The following TEP1 variants were observed in gnomAD, a reference collection of about 807,000 sequenced individuals.
The protein encoded by TEP1 is telomerase protein component 1.
Under a neutral mutation model 306.3 loss-of-function variants are expected in TEP1, and 241 were observed. The observed-to-expected ratio is 0.79, with a 90% CI of 0.71 to 0.88. The LOEUF is 0.88. Among genes scored for constraint, TEP1 ranks in the 40% least tolerant of loss-of-function variants. TEP1 has a pLI of 0.00. For synonymous variants in TEP1, 1,289 were observed against 1,305.5 expected, an observed-to-expected ratio of 0.99 and a Z score of 0.27; for missense variants, 3,051 against 3,276.1, an observed-to-expected ratio of 0.93 and a Z score of 1.68.
chr14:20,393,388 T>C (rs750474330), intron 12 of TEP1, among the ~76,000 whole-genome samples: 73 of 152,332 alleles, frequency 4.8e-4, no homozygotes, highest in South Asian at 4.1e-4. Context: ...CACTATCCAA[T>C]AGAATTCAAT....
Position 20,406,118 on chromosome 14 carries a change from T to C in TEP1, c.735+115A>G, listed in dbSNP as rs550464682. 8.1e-5 allele frequency: 73 copies of C among 900,710 alleles called. No individual in the cohort carries two copies. In the African/African-American group the frequency reaches 1.1e-3, roughly 14 times the overall value. The allele number at this position is 900,710 out of a possible 1,614,324, so 55.8% of individuals were successfully genotyped here. ...GGATTAGGAAGTGAGAAATAAGAGC[T>C]AGGTTGTATCCCTACCTTCCCCTTC... On this transcript the variant is annotated intron_variant, in intron 3 of 54. Coordinates refer to ENST00000262715, the MANE Select transcript of TEP1 (RefSeq NM_007110.5).
intron 17 of TEP1, among the ~76,000 whole-genome samples, chr14:20,388,618 A>C (rs565690271): frequency 6.6e-6 from 1 of 152,376 alleles, no homozygotes. Context: ...TGACATGGCC[A>C]ACTCTTGACA....
intron 8 of TEP1, 125 bp downstream of exon 8, chr14:20,401,332 T>C (rs1878720250): frequency 6.3e-6 from 9 of 1,422,328 alleles, no homozygotes; most frequent in Non-Finnish European, 7.6e-6. Flanking sequence ...GGCAGTCATG[T>C]CTACAGGGCA....
chr14:20,406,052 A>G (rs1181188914), intron 3 of TEP1, among the ~76,000 whole-genome samples, 181 bp downstream of exon 3: 1 of 151,648 alleles, frequency 6.6e-6, no homozygotes, highest in Non-Finnish European at 1.5e-5. Flanking sequence ...GAAAGAAAGG[A>G]AAGAAAAAAA....
intron 1 of TEP1, among the ~76,000 whole-genome samples, chr14:20,410,978 C>T (rs1221910822): frequency 6.6e-6 from 1 of 151,940 alleles, no homozygotes. Flanking sequence ...CCTGCCACCA[C>T]ACCCAGCTAA....
At chr14:20,377,257 C>G (rs1209391848) in intron 41 of TEP1, 23 bp downstream of exon 41, 1 of 1,547,960 alleles carries the variant, frequency 6.5e-7, no homozygotes. Context: ...AATTTGTTAA[C>G]CCTGCCCACT....
In TEP1 at chr14:20,386,784, A is replaced by C. The variant is rs928527940; in HGVS notation, c.2685-161T>G. ...CAGAGAAGCACCTGCTAGTGGTCTC[A>C]ACTGCAGGGCCCTGGAATTTAATGC... On this transcript the variant is annotated intron_variant, in intron 18 of 54. Coordinates refer to ENST00000262715, the MANE Select transcript of TEP1 (RefSeq NM_007110.5). Among the ~76,000 whole-genome samples, 60 of 152,146 alleles carry C rather than the reference A, an allele frequency of 3.9e-4. 1 individual carries two copies.
At chr14:20,386,756 CT>C in intron 18 of TEP1, 133 bp from the exon 19 acceptor site, 1 of 1,028,272 alleles carries the variant, frequency 9.7e-7, no homozygotes, top group Non-Finnish European at 1.3e-6. Context: ...CCCAGCAGGC[CT>C]TCAGAGAAGC....
At chr14:20,403,644 C>A (rs1238603083) in intron 6 of TEP1, 79 bp downstream of exon 6, 5 of 1,602,820 alleles carry the variant, frequency 3.1e-6, no homozygotes. Flanking sequence ...GTGTGGGACT[C>A]CCCAGCATCA....
Position 20,367,017 on chromosome 14 carries a change from G to C in TEP1, c.*1420C>G, listed in dbSNP as rs1884504511. On this transcript the variant is annotated 3_prime_UTR_variant, in exon 55 of 55. Coordinates refer to ENST00000262715, the MANE Select transcript of TEP1 (RefSeq NM_007110.5). ...AACAGAGGAGGAAAGTTAAGCAAAG[G>C]CTAACCTGCTCAATAGATTCTTCCA... The C allele has an allele frequency of 6.6e-6, 1 of 152,200 alleles. No homozygotes were observed. Among genetic ancestry groups the C allele is most frequent in the African/African-American group, 2.4e-5 (1 of 41,444 alleles). 9.4% of individuals were successfully genotyped at this position (152,200 alleles called of 1,614,324 possible). A position where few individuals can be genotyped will look rare whatever the true frequency, so the allele number is the denominator to read the frequency against.
At position 20,374,438 on chromosome 14, in the gene TEP1, C is replaced by T. The variant is rs1161826471; in HGVS notation, c.6462G>A (p.Val2154=). 1.2e-6 allele frequency: 2 copies of T among 1,612,242 alleles called. No homozygotes were observed. Among genetic ancestry groups the T allele is most frequent in the East Asian group, 2.2e-5 (1 of 44,862 alleles). Residue 2154 remains valine, a synonymous_variant, in exon 44 of 55, where the codon GTG becomes GTA. Coordinates refer to ENST00000262715, the MANE Select transcript of TEP1 (RefSeq NM_007110.5). ...FLGHQSAVSA[V]AAVEEHVVSV... ...TCCATTGCTTTCTCACCACAGCTGC[C>T]ACAGCGCTCACAGCACTCTGATGAC...
intron 12 of TEP1, among the ~76,000 whole-genome samples, chr14:20,393,378 C>A (rs1877896823): frequency 6.6e-6 from 1 of 152,160 alleles, no homozygotes; most frequent in Non-Finnish European, 1.5e-5. Flanking sequence ...GTCTTCCCAG[C>A]ACTATCCAAT....
At position 20,372,846 on chromosome 14, in the gene TEP1, G is replaced by A; in HGVS notation, c.6963C>T (p.His2321=). The change falls in exon 49 of 55, where the codon CAC becomes CAT. Residue 2321 remains histidine (H), a synonymous_variant. Coordinates refer to ENST00000262715, the MANE Select transcript of TEP1 (RefSeq NM_007110.5). ...CCGAGGACCAGATCAGAGCACCAAT[G>A]TGGCCTGGAGCCTGGTGTACACAAC... ...KAVATAQAPG[H]IGALIWSSAH... is the part of the protein sequence containing the mutation. The A allele has an allele frequency of 6.2e-7, 1 of 1,614,200 alleles. No homozygotes were observed. The highest frequency in any genetic ancestry group is 1.1e-5 in the South Asian group (1 of 91,074).
chr14:20,369,682 G>C lies in TEP1; in HGVS notation c.7415C>G (p.Pro2472Arg), dbSNP rs1371289405. ...RTLISITQAK[P>R]ESESSFLCAS... ...CTCCTGTTACCACTCACCAGATTCA[G>C]GTTTGGCTTGAGTTATCGATATTAG... Residue 2472 changes from proline (P) to arginine (R), a missense_variant, in exon 52 of 55, where the codon CCT (proline) becomes CGT (arginine). Around this residue, in one of 3 missense-constraint regions of TEP1, gnomAD observed 1,540 missense variants for 1,705.9 expected, o/e 0.90. Transcript: ENST00000262715. 6.2e-7 allele frequency: 1 copy of C among 1,613,906 alleles called. No individual in the cohort carries two copies. Among genetic ancestry groups the C allele is most frequent in the Non-Finnish European group, 8.5e-7 (1 of 1,179,950 alleles).
intron 13 of TEP1, 72 bp from the exon 14 acceptor site, chr14:20,391,168 A>T (rs1255719536): frequency 6.6e-6 from 10 of 1,509,042 alleles, no homozygotes; most frequent in Non-Finnish European, 6.3e-6. Context: ...CCAGCCCTGG[A>T]GGCCAAACCC....
intron 49 of TEP1, 75 bp downstream of exon 49, chr14:20,372,658 T>A: frequency 6.2e-7 from 1 of 1,600,558 alleles, no homozygotes; most frequent in East Asian, 2.2e-5. Flanking sequence ...GAAGCAGAAG[T>A]GCAGTAATTT....
intron 54 of TEP1, 38 bp downstream of exon 54, chr14:20,368,760 G>GCACGCA: frequency 1.5e-6 from 2 of 1,303,608 alleles, no homozygotes; most frequent in Non-Finnish European, 2.1e-6. Flanking sequence ...GTGTGCAGGC[G>GCACGCA]CACGCACACA....
At chr14:20,409,120 TA>T (rs2139210525) in intron 1 of TEP1, among the ~76,000 whole-genome samples, 1 of 152,340 alleles carries the variant, frequency 6.6e-6, no homozygotes, top group Non-Finnish European at 1.5e-5. Flanking sequence ...TCCTCTTAGG[TA>T]ACCAAGGAAC....
intron 49 of TEP1, 102 bp downstream of exon 49, chr14:20,372,631 C>T: frequency 1.3e-6 from 2 of 1,528,520 alleles, no homozygotes; most frequent in Non-Finnish European, 9.0e-7. Context: ...TAACTAACAT[C>T]CAATTGACCT....
Sources: allele counts gnomAD v4.1 joint callset (sites outside exome capture counted in the v4.1 genomes callset), GRCh38; gene constraint gnomAD v4.1.1; regional missense constraint gnomAD v4.1.1; transcripts MANE v1.5; gene names NCBI Gene and HGNC (gene_info 2026-07-23, HGNC 2026-07-21).